Variants in EYS observed in about 807,000 individuals in gnomAD.
EYS encodes the protein EGF-like photoreceptor maintenance factor.
A neutral mutation model predicts 282.1 loss-of-function variants in EYS; 250 were observed. The ratio of observed to expected loss-of-function variants is 0.89; its 90% CI spans 0.80 to 0.98. The LOEUF is 0.98. Ranked by LOEUF, EYS falls within the 50% of genes least tolerant of loss-of-function variation. EYS has a pLI of 0.00. For synonymous variants in EYS, 1,355 were observed against 1,282.9 expected (o/e 1.06, Z -1.20); for missense variants, 4,016 against 3,709.0 (o/e 1.08, Z -2.15).
chr6:65,279,932 A>G (rs1768170497), intron 12 of EYS, among the ~76,000 whole-genome samples: 1 of 152,168 alleles, frequency 6.6e-6, no homozygotes. Flanking sequence ...TAATTTTCCT[A>G]GGAGACAATC....
At chr6:64,000,294 C>T (rs1011585014) in intron 33 of EYS, among the ~76,000 whole-genome samples, 1 of 146,104 alleles carries the variant, frequency 6.8e-6, no homozygotes, top group Non-Finnish European at 1.5e-5. Flanking sequence ...CGGGTTCATG[C>T]CATTCTCCTG....
At chr6:64,151,784 G>A (rs879810501) in intron 31 of EYS, among the ~76,000 whole-genome samples, 2 of 152,114 alleles carry the variant, frequency 1.3e-5, no homozygotes, top group Admixed American at 1.3e-4. Flanking sequence ...ATATTTGGAG[G>A]TGACTCTGGA....
At chr6:63,829,511 G>T (rs1771566932) in intron 36 of EYS, among the ~76,000 whole-genome samples, 1 of 152,200 alleles carries the variant, frequency 6.6e-6, no homozygotes, top group Admixed American at 6.5e-5. Context: ...AGCGAGGCTG[G>T]GGGAGGGGCG....
At chr6:65,455,824 AAAG>A (rs1764584316) in intron 5 of EYS, among the ~76,000 whole-genome samples, 2 of 152,140 alleles carry the variant, frequency 1.3e-5, no homozygotes. Context: ...CCAAAAATTT[AAAG>A]AAGAATTAAT....
intron 33 of EYS, among the ~76,000 whole-genome samples, chr6:64,053,014 T>A (rs945109988): frequency 6.6e-6 from 1 of 152,162 alleles, no homozygotes; most frequent in Non-Finnish European, 1.5e-5. Flanking sequence ...TACATTAAAA[T>A]TTTTGATTTA....
intron 19 of EYS, among the ~76,000 whole-genome samples, chr6:64,831,342 A>T (rs9445423): frequency 0.29 from 44,222 of 151,866 alleles, 6,833 homozygotes; most frequent in African/African-American, 0.4. Flanking sequence ...TACTGGATTA[A>T]ACCAGCATAG....
chr6:65,018,793 G>C (rs567563062), intron 13 of EYS, among the ~76,000 whole-genome samples: 2 of 151,958 alleles, frequency 1.3e-5, no homozygotes, highest in Non-Finnish European at 2.9e-5. Flanking sequence ...CTTTAGTGAA[G>C]CCTATATGCA....
chr6:65,232,564 C>A lies in EYS; in HGVS notation c.2023+63299G>T, dbSNP rs1415027372. On this transcript the variant is annotated intron_variant, in intron 12 of 42. Coordinates refer to ENST00000503581, the MANE Select transcript of EYS (RefSeq NM_001142800.2). ...TTGCTGAAAAGTTACAAAGATTGCA[C>A]CGAGTTCCCATATACCCCTCACCCA... Among the ~76,000 whole-genome samples the A allele has an allele frequency of 2.0e-5, 3 of 152,018 alleles. No individual in the cohort carries two copies. The East Asian group carries it at 5.8e-4, about 29-fold the overall frequency.
At chr6:65,401,360 ATCAG>A (rs994116090) in intron 7 of EYS, among the ~76,000 whole-genome samples, 1 of 149,732 alleles carries the variant, frequency 6.7e-6, no homozygotes, top group Non-Finnish European at 1.5e-5. Flanking sequence ...TTTTTTTTTA[ATCAG>A]TCAGTTTTAT....
chr6:64,682,921 A>G (rs1452256493), intron 22 of EYS, among the ~76,000 whole-genome samples: 1 of 152,196 alleles, frequency 6.6e-6, no homozygotes, highest in East Asian at 1.9e-4. Context: ...TTCCTGACCC[A>G]TATGGATTCA....
intron 31 of EYS, among the ~76,000 whole-genome samples, chr6:64,204,952 C>G (rs1158696957): frequency 6.6e-6 from 1 of 152,028 alleles, no homozygotes; most frequent in South Asian, 2.1e-4. Flanking sequence ...TCAAAAAATG[C>G]ACTGATGGAT....
intron 35 of EYS, among the ~76,000 whole-genome samples, chr6:63,936,612 T>G (rs950086400): frequency 6.6e-6 from 1 of 152,196 alleles, no homozygotes; most frequent in African/African-American, 2.4e-5. Context: ...ATTCACCCAT[T>G]TATTCACACA....
At chr6:64,977,202 C>T (rs533423222) in intron 14 of EYS, among the ~76,000 whole-genome samples, 55 of 151,888 alleles carry the variant, frequency 3.6e-4, no homozygotes, top group Admixed American at 1.6e-3. Context: ...CTTATCAGTG[C>T]CATTTTTTCT....
chr6:64,966,239 C>A (rs1339770378), intron 14 of EYS, among the ~76,000 whole-genome samples: 1 of 151,924 alleles, frequency 6.6e-6, no homozygotes, highest in African/African-American at 2.4e-5. Flanking sequence ...GTCCTATATG[C>A]TAATGGATAG....
intron 22 of EYS, among the ~76,000 whole-genome samples, chr6:64,720,597 G>C (rs1387066636): frequency 2.0e-5 from 3 of 152,010 alleles, no homozygotes; most frequent in Non-Finnish European, 4.4e-5. Context: ...CCATCCCCTA[G>C]AGTCTCTTTT....
chr6:65,115,471 G>A (rs989260041), intron 12 of EYS, among the ~76,000 whole-genome samples: 5 of 151,140 alleles, frequency 3.3e-5, no homozygotes, highest in Non-Finnish European at 3.0e-5. Flanking sequence ...TCTGTGTCTC[G>A]GATCAGACTA....
chr6:64,207,442 A>G (rs1375046577), intron 31 of EYS, among the ~76,000 whole-genome samples: 1 of 152,150 alleles, frequency 6.6e-6, no homozygotes, highest in Non-Finnish European at 1.5e-5. Context: ...AAACAGACTA[A>G]GAGAGTAGTA....
chr6:64,141,970 A>T (rs900232838), intron 31 of EYS, among the ~76,000 whole-genome samples: 1 of 152,164 alleles, frequency 6.6e-6, no homozygotes, highest in Middle Eastern at 3.2e-3. Flanking sequence ...CAGTGAAACT[A>T]CCAACCAAAG....
intron 22 of EYS, chr6:64,631,362 T>C (rs1473643434): frequency 6.6e-6 from 1 of 152,136 alleles, no homozygotes; most frequent in Non-Finnish European, 1.5e-5. Context: ...ATGAAATCAT[T>C]TTGTATGGTT....
Sources: allele counts gnomAD v4.1 joint callset (sites outside exome capture counted in the v4.1 genomes callset), GRCh38; gene constraint gnomAD v4.1.1; transcripts MANE v1.5; gene names NCBI Gene and HGNC (gene_info 2026-07-23, HGNC 2026-07-21).